RNLS: variants seen among roughly 807,000 people sequenced by gnomAD.
The protein encoded by RNLS is renalase, FAD dependent amine oxidase, also known as renalase.
A neutral mutation model predicts 39.8 loss-of-function variants in RNLS; 39 were observed. The ratio of observed to expected loss-of-function variants is 0.98; its 90% CI spans 0.76 to 1.28. RNLS has a LOEUF of 1.28. RNLS is among the 50% of genes most tolerant of loss of function. The pLI is 0.00. For missense variants in RNLS, 410 were observed against 413.3 expected (o/e 0.99, Z 0.07); for synonymous variants, 147 against 150.7 (o/e 0.98, Z 0.18).
intron 4 of RNLS, among the ~76,000 whole-genome samples, chr10:88,466,053 T>C (rs1051305155): frequency 1.3e-5 from 2 of 152,002 alleles, no homozygotes; most frequent in African/African-American, 4.8e-5. Flanking sequence ...TGATGAGTTC[T>C]GTATCCATTG....
intron 4 of RNLS, among the ~76,000 whole-genome samples, chr10:88,548,289 A>AAAAAAAG (rs1554927072): frequency 3.6e-4 from 29 of 80,220 alleles, no homozygotes; most frequent in African/African-American, 1.3e-3. Context: ...AAAAAAAAAA[A>AAAAAAAG]AAAAGAAAAG....
intron 4 of RNLS, among the ~76,000 whole-genome samples, chr10:88,398,594 T>C (rs1246290491): frequency 6.6e-6 from 1 of 151,928 alleles, no homozygotes; most frequent in Non-Finnish European, 1.5e-5. Flanking sequence ...AAAGACATGG[T>C]TAATACAAGG....
At chr10:88,488,133 T>C (rs1306790285) in intron 4 of RNLS, among the ~76,000 whole-genome samples, 1 of 152,118 alleles carries the variant, frequency 6.6e-6, no homozygotes, top group African/African-American at 2.4e-5. Context: ...GGAGTAGTGA[T>C]GGATATATTC....
intron 4 of RNLS, among the ~76,000 whole-genome samples, chr10:88,566,401 G>A (rs990583779): frequency 3.9e-5 from 6 of 152,052 alleles, no homozygotes; most frequent in African/African-American, 1.4e-4. Flanking sequence ...AAAATTGACA[G>A]AATTGGTCCC....
intron 6 of RNLS, among the ~76,000 whole-genome samples, chr10:88,296,672 A>T (rs1378040774): frequency 6.6e-6 from 1 of 152,202 alleles, no homozygotes; most frequent in Non-Finnish European, 1.5e-5. Flanking sequence ...TTTAAAAGTC[A>T]GCTTAATTGA....
At chr10:88,343,361 T>C (rs780324878) in intron 5 of RNLS, among the ~76,000 whole-genome samples, 30 of 152,134 alleles carry the variant, frequency 2.0e-4, no homozygotes, top group Non-Finnish European at 4.0e-4. Flanking sequence ...GTGGAAAATA[T>C]CAAGGATGAT....
chr10:88,467,558 AATTTAGCTTG>A (rs1291121636), intron 4 of RNLS, among the ~76,000 whole-genome samples: 5 of 152,126 alleles, frequency 3.3e-5, no homozygotes, highest in African/African-American at 1.2e-4. Flanking sequence ...ATGACTACAG[AATTTAGCTTG>A]TGACCTAACT....
the RNLS span, among the ~76,000 whole-genome samples, chr10:88,181,053 A>G: frequency 6.6e-6 from 1 of 152,208 alleles, no homozygotes; most frequent in African/African-American, 2.4e-5. Flanking sequence ...AAATTACATG[A>G]CAACTTCTTT....
At chr10:88,303,109 G>T (rs527734112) in intron 6 of RNLS, among the ~76,000 whole-genome samples, 1 of 152,338 alleles carries the variant, frequency 6.6e-6, no homozygotes, top group Non-Finnish European at 1.5e-5. Flanking sequence ...AAACTGGCAA[G>T]GAGCAACCTG....
the RNLS span, among the ~76,000 whole-genome samples, chr10:88,232,721 C>T: frequency 5.9e-5 from 9 of 152,208 alleles, no homozygotes; most frequent in African/African-American, 2.2e-4. Context: ...GGGCAGGGCC[C>T]CTAGTGACAG....
At chr10:88,340,691 GTGA>G (rs1813906401) in intron 5 of RNLS, among the ~76,000 whole-genome samples, 1 of 152,064 alleles carries the variant, frequency 6.6e-6, no homozygotes, top group African/African-American at 2.4e-5. Flanking sequence ...ACTAAACATG[GTGA>G]TATTTTATTT....
rs1318303201 is a variant in RNLS, at chr10:88,581,711, T to G, written c.225-2A>C. The stretch of plus-strand genomic sequence containing the variant: ...TAGGCTAACAGTTCATCATAAAAAC[T>G]GAAATAAATCAATATGTATATTTAA... On this transcript the variant is annotated splice_acceptor_variant, in intron 2 of 6. Coordinates refer to ENST00000331772, the MANE Select transcript of RNLS (RefSeq NM_001031709.3). LOFTEE classifies it high-confidence loss of function. 6.4e-7 allele frequency: 1 copy of G among 1,555,580 alleles called. No individual in the cohort carries two copies. The highest frequency in any genetic ancestry group is 1.4e-5 in the African/African-American group (1 of 71,858).
chr10:88,208,872 CT>C, the RNLS span, among the ~76,000 whole-genome samples: 3 of 152,074 alleles, frequency 2.0e-5, no homozygotes, highest in Non-Finnish European at 4.4e-5. Context: ...GAGAATAGCT[CT>C]TTGAGATGAG....
chr10:88,561,374 C>T (rs1003920772), intron 4 of RNLS, among the ~76,000 whole-genome samples: 2 of 151,990 alleles, frequency 1.3e-5, no homozygotes, highest in African/African-American at 4.8e-5. Flanking sequence ...TGGAACAGAA[C>T]AGATATCCAG....
rs553175360 is a variant in RNLS, at chr10:88,321,021, A to T, written c.701-6380T>A. Among the ~76,000 whole-genome samples, 28 of 151,946 alleles carry T rather than the reference A, an allele frequency of 1.8e-4. 1 individual carries two copies. The highest frequency in any genetic ancestry group is 3.7e-4 in the Non-Finnish European group (25 of 67,964). Reference sequence around the variant, plus strand: ...TGTTTTTCTCATCTGTGCACAGAACAGTCTCTAAAATTGACTATATGATTG... The same window carrying T: ...TGTTTTTCTCATCTGTGCACAGAACTGTCTCTAAAATTGACTATATGATTG... On this transcript the variant is annotated intron_variant, in intron 5 of 6. Coordinates refer to ENST00000331772, the MANE Select transcript of RNLS (RefSeq NM_001031709.3).
intron 6 of RNLS, among the ~76,000 whole-genome samples, chr10:88,278,916 GT>G (rs1377815636): frequency 1.8e-4 from 28 of 152,170 alleles, no homozygotes; most frequent in Non-Finnish European, 3.2e-4. Flanking sequence ...AAGTTAATTA[GT>G]TAAGTTCATT....
chr10:88,446,393 C>T lies in RNLS; in HGVS notation c.527-83668G>A, dbSNP rs554244561. Among the ~76,000 whole-genome samples, 453 of 152,166 alleles carry T rather than the reference C, an allele frequency of 3.0e-3. 6 individuals are homozygous for T. Among genetic ancestry groups the T allele is most frequent in the Non-Finnish European group, 5.2e-3 (351 of 67,998 alleles). ...ATCTAAAATTGACACCTTAACATCACAATTAAGAGAACTAGAGAAGCAAGA... is the reference window on the plus strand; with the variant it reads ...ATCTAAAATTGACACCTTAACATCATAATTAAGAGAACTAGAGAAGCAAGA... On this transcript the variant is annotated intron_variant, in intron 4 of 6. Transcript: ENST00000331772.
intron 5 of RNLS, among the ~76,000 whole-genome samples, chr10:88,331,392 A>C (rs1022901836): frequency 6.6e-6 from 1 of 152,208 alleles, no homozygotes; most frequent in African/African-American, 2.4e-5. Context: ...GACCAAGACC[A>C]AAAAGAAATG....
the RNLS span, among the ~76,000 whole-genome samples, chr10:88,206,135 T>C: frequency 6.6e-6 from 1 of 152,198 alleles, no homozygotes. Context: ...TTTTTCCCAC[T>C]AAGTTTCTGC....
Sources: gnomAD v4.1 joint callset for allele counts (sites outside exome capture counted in the v4.1 genomes callset) on GRCh38, gnomAD v4.1.1 for gene constraint, MANE v1.5 for transcripts, NCBI Gene and HGNC (gene_info 2026-07-23, HGNC 2026-07-21) for gene names.